WWTR1: variants seen among roughly 807,000 people sequenced by gnomAD.
The protein encoded by WWTR1 is WW domain-containing transcription regulator protein 1.
In WWTR1, 13 loss-of-function variants were observed where a neutral mutation model predicts 40.1. That is an observed-to-expected ratio of 0.32 (90% CI 0.21 to 0.52). The LOEUF is 0.52. Ranked by LOEUF, WWTR1 falls within the 20% of genes least tolerant of loss-of-function variation. The pLI is 0.97. For synonymous variants in WWTR1, 230 were observed against 210.1 expected, an observed-to-expected ratio of 1.09 and a Z score of -0.82; for missense variants, 436 against 523.1, an observed-to-expected ratio of 0.83 and a Z score of 1.63.
At chr3:149,683,341 C>T (rs1714523339) in intron 1 of WWTR1, among the ~76,000 whole-genome samples, 1 of 152,134 alleles carries the variant, frequency 6.6e-6, no homozygotes, top group African/African-American at 2.4e-5. Context: ...CACTTAAAGG[C>T]CTTTCTAGAT....
intron 2 of WWTR1, among the ~76,000 whole-genome samples, chr3:149,591,569 A>T (rs1460138070): frequency 6.6e-6 from 1 of 152,168 alleles, no homozygotes; most frequent in African/African-American, 2.4e-5. Flanking sequence ...CAAGATGTAC[A>T]TTCACTTTTC....
chr3:149,716,157 T>A (rs1004566230), intron 5 of WWTR1, among the ~76,000 whole-genome samples: 1 of 151,940 alleles, frequency 6.6e-6, no homozygotes, highest in Non-Finnish European at 1.5e-5. Flanking sequence ...CCGAGATGGG[T>A]GGATCACTTG....
At chr3:149,634,525 C>T (rs1173782010) in intron 2 of WWTR1, among the ~76,000 whole-genome samples, 1 of 152,184 alleles carries the variant, frequency 6.6e-6, no homozygotes, top group Non-Finnish European at 1.5e-5. Flanking sequence ...AAGAATAAAA[C>T]ATGTTCCCTG....
intron 2 of WWTR1, among the ~76,000 whole-genome samples, chr3:149,615,037 C>G (rs1214273710): frequency 6.6e-6 from 1 of 151,976 alleles, no homozygotes; most frequent in Non-Finnish European, 1.5e-5. Context: ...TTATACTAGT[C>G]TACTAGTATT....
intron 1 of WWTR1, among the ~76,000 whole-genome samples, chr3:149,687,493 A>G (rs1714691905): frequency 6.6e-6 from 1 of 152,254 alleles, no homozygotes; most frequent in East Asian, 1.9e-4. Context: ...GACTTTTACA[A>G]CCAATTACAG....
chr3:149,575,559 C>G (rs1248527766), intron 2 of WWTR1, among the ~76,000 whole-genome samples: 1 of 152,086 alleles, frequency 6.6e-6, no homozygotes, highest in East Asian at 1.9e-4. Flanking sequence ...CAGCACAGGC[C>G]CCGGTGAGAT....
intron 1 of WWTR1, among the ~76,000 whole-genome samples, chr3:149,671,966 C>T (rs1714102701): frequency 6.6e-6 from 1 of 152,062 alleles, no homozygotes; most frequent in Admixed American, 6.5e-5. Flanking sequence ...GGGTGAGGTC[C>T]CCAGGTAAGC....
chr3:149,587,732 A>C (rs545090759), intron 2 of WWTR1, among the ~76,000 whole-genome samples: 4 of 152,364 alleles, frequency 2.6e-5, no homozygotes, highest in South Asian at 4.1e-4. Flanking sequence ...TTCTACTTGT[A>C]CAGACATAGA....
intron 3 of WWTR1, among the ~76,000 whole-genome samples, chr3:149,560,209 G>A (rs534905581): frequency 6.6e-6 from 1 of 152,336 alleles, no homozygotes; most frequent in African/African-American, 2.4e-5. Context: ...AATGCCTCAG[G>A]CGAAAGCCAT....
chr3:149,666,635 A>G (rs959200885), intron 2 of WWTR1, among the ~76,000 whole-genome samples: 2 of 152,198 alleles, frequency 1.3e-5, no homozygotes, highest in Admixed American at 1.3e-4. Context: ...TCACACACGA[A>G]TCTCATAGTA....
Position 149,609,351 on chromosome 3 carries a change from G to T in WWTR1, c.432-36351C>A, listed in dbSNP as rs538279971. Reference sequence around the variant, plus strand: ...TTATCCACTACACCTCCCCACCTAAGAAATTATTGCGCTAGTTCACCAGGA... The same window carrying T: ...TTATCCACTACACCTCCCCACCTAATAAATTATTGCGCTAGTTCACCAGGA... On this transcript the variant is annotated intron_variant, in intron 2 of 6. Coordinates refer to ENST00000360632, the MANE Select transcript of WWTR1 (RefSeq NM_015472.6). Among the ~76,000 whole-genome samples, 239 of 152,282 alleles carry T rather than the reference G, an allele frequency of 1.6e-3. 1 individual carries two copies. The highest frequency in any genetic ancestry group is 4.9e-3 in the African/African-American group (205 of 41,562).
intron 5 of WWTR1, among the ~76,000 whole-genome samples, chr3:149,526,876 T>G (rs2107907104): frequency 6.6e-6 from 1 of 152,388 alleles, no homozygotes; most frequent in East Asian, 1.9e-4. Flanking sequence ...ATTTAAAAAC[T>G]ACTTCTGCTC....
In WWTR1 at chr3:149,683,675, T is replaced by C. The variant is rs578024965; in HGVS notation, c.-107-13784A>G. 6.6e-5 allele frequency among the ~76,000 whole-genome samples: 10 copies of C among 151,830 alleles called. No homozygotes were observed. In the South Asian group the frequency reaches 8.3e-4, roughly 13 times the overall value. On this transcript the variant is annotated intron_variant, in intron 1 of 7. Transcript: ENST00000465804. The stretch of plus-strand genomic sequence containing the variant: ...CACCACTGCACTTCAGCCTGGGCAA[T>C]AGAACAAGATTCTGCCTTTAAAAAA...
At position 149,634,569 on chromosome 3, in the gene WWTR1, C is replaced by A. The variant is rs192747159; in HGVS notation, c.431+22307G>T. On this transcript the variant is annotated intron_variant, in intron 2 of 6. Coordinates refer to ENST00000360632, the MANE Select transcript of WWTR1 (RefSeq NM_015472.6). ...AATGGGCTTTCAAGGAGAAATAAAT[C>A]AGAAAACAGAGCAATGCCTATTCCC... is the stretch of plus-strand genomic sequence containing the variant. 1.2e-3 allele frequency among the ~76,000 whole-genome samples: 190 copies of A among 152,188 alleles called. 1 individual carries two copies. Among genetic ancestry groups the A allele is most frequent in the African/African-American group, 4.6e-3 (189 of 41,520 alleles).
intron 2 of WWTR1, among the ~76,000 whole-genome samples, chr3:149,653,401 GT>G (rs1403833452): frequency 6.6e-6 from 1 of 152,174 alleles, no homozygotes; most frequent in East Asian, 1.9e-4. Context: ...GAGGCTAGGT[GT>G]TTTAACATTC....
intron 2 of WWTR1, among the ~76,000 whole-genome samples, chr3:149,607,618 C>T (rs1030107283): frequency 3.9e-5 from 6 of 152,110 alleles, no homozygotes; most frequent in African/African-American, 9.7e-5. Context: ...CCAGCCTTGA[C>T]GTAGTGATTT....
chr3:149,560,037 G>C (rs1056818394), intron 3 of WWTR1, among the ~76,000 whole-genome samples: 1 of 152,202 alleles, frequency 6.6e-6, no homozygotes, highest in Non-Finnish European at 1.5e-5. Context: ...GACACCAAGA[G>C]AGTTGACTGT....
chr3:149,664,935 C>T (rs1176529474), intron 2 of WWTR1, among the ~76,000 whole-genome samples: 1 of 152,004 alleles, frequency 6.6e-6, no homozygotes, highest in African/African-American at 2.4e-5. Context: ...TTTAGTAATG[C>T]ATTTGGGCTA....
At chr3:149,688,087 A>G (rs1363540249) in intron 1 of WWTR1, among the ~76,000 whole-genome samples, 2 of 151,906 alleles carry the variant, frequency 1.3e-5, no homozygotes, top group East Asian at 3.9e-4. Flanking sequence ...TTTTCTTGCA[A>G]TGTGGGTACC....
Sources: gnomAD v4.1 joint callset for allele counts (sites outside exome capture counted in the v4.1 genomes callset) on GRCh38, gnomAD v4.1.1 for gene constraint, MANE v1.5 for transcripts, NCBI Gene and HGNC (gene_info 2026-07-23, HGNC 2026-07-21) for gene names.